Variants in DST observed in about 807,000 individuals in gnomAD.
DST encodes the protein bullous pemphigoid antigen.
A neutral mutation model predicts 875.2 loss-of-function variants in DST; 253 were observed. That is an observed-to-expected ratio of 0.29 (90% CI 0.26 to 0.32). The LOEUF is 0.32. Ranked by LOEUF, DST falls within the 10% of genes least tolerant of loss-of-function variation. The pLI is 1.00. For missense variants in DST, 8,287 were observed against 9,111.6 expected (o/e 0.91, Z 3.68); for synonymous variants, 3,124 against 3,197.1 (o/e 0.98, Z 0.77).
chr6:56,916,483 G>A (rs913181978), intron 2 of DST, among the ~76,000 whole-genome samples: 1 of 152,178 alleles, frequency 6.6e-6, no homozygotes, highest in Non-Finnish European at 1.5e-5. Context: ...TGGGTGCAGT[G>A]GTTCATGCCT....
intron 67 of DST, 104 bp from the exon 68 acceptor site, chr6:56,527,838 G>T (rs1303879690): frequency 4.2e-6 from 5 of 1,191,838 alleles, no homozygotes; most frequent in Admixed American, 3.1e-5. Context: ...CAGAACAAAA[G>T]GAGACATTTT....
Position 56,557,451 on chromosome 6 carries a change from A to C in DST, c.14508T>G (p.Asn4836Lys). ...CTACAGTCTGGAACTGGGTTAGATTATTGGAGGATTCTTCCAGTTTTTGTT... is the reference window on the plus strand; with the variant it reads ...CTACAGTCTGGAACTGGGTTAGATTCTTGGAGGATTCTTCCAGTTTTTGTT... Reference protein sequence around the residue: ...DRQQKLEESSNNLTQFQTVEA... With the variant: ...DRQQKLEESSKNLTQFQTVEA... Residue 4836 changes from asparagine (N) to lysine (K), a missense_variant, in exon 59 of 104, where the codon AAT becomes AAG. Around this residue, in one of 10 missense-constraint regions of DST, gnomAD observed 1,513 missense variants for 1,677.8 expected, o/e 0.90. Coordinates refer to ENST00000680361, the MANE Select transcript of DST (RefSeq NM_001374736.1). 1 of 1,613,704 alleles carries C rather than the reference A, an allele frequency of 6.2e-7. No homozygotes were observed.
In DST at chr6:56,608,767, TGTG is replaced by T; in HGVS notation, c.5858_5860del (p.Pro1953del). On this transcript the variant is annotated inframe_deletion, in exon 40 of 104. Coordinates refer to ENST00000680361, the MANE Select transcript of DST (RefSeq NM_001374736.1). ...TTTTAATGTTATTCTACCTCCTTCT[TGTG>T]GTCTCACAGGTAGAAGCCACATCCC... 1 of 1,609,594 alleles carries T rather than the reference TGTG, an allele frequency of 6.2e-7. No homozygotes were observed. Among genetic ancestry groups the T allele is most frequent in the African/African-American group, 1.3e-5 (1 of 75,000 alleles).
At position 56,934,560 on chromosome 6, in the gene DST, TTATATATATATA is replaced by T. The variant is rs60018139; in HGVS notation, c.216+19213_216+19224del. On this transcript the variant is annotated intron_variant, in intron 2 of 103. Transcript: ENST00000680361. Reference sequence around the variant, plus strand: ...TAAAATATACATATTATATATTATATTATATATATATATATATATATATATATATCGTGAGAG... The same window carrying T: ...TAAAATATACATATTATATATTATATTATATATATATATATATCGTGAGAG... Among the ~76,000 whole-genome samples, 14 of 106,486 alleles carry T rather than the reference TTATATATATATA, an allele frequency of 1.3e-4. 1 individual carries two copies. Among genetic ancestry groups the T allele is most frequent in the African/African-American group, 4.9e-4 (14 of 28,394 alleles). 69.9% of individuals were successfully genotyped at this position (106,486 alleles called of 152,430 possible). A position where few individuals can be genotyped will look rare whatever the true frequency, so the allele number is the denominator to read the frequency against.
chr6:56,925,297 T>A (rs1300042784), intron 2 of DST, among the ~76,000 whole-genome samples: 2 of 152,192 alleles, frequency 1.3e-5, no homozygotes, highest in Non-Finnish European at 2.9e-5. Context: ...AAAGCTTTCT[T>A]AGCATAATAA....
intron 4 of DST, among the ~76,000 whole-genome samples, chr6:56,770,524 C>A (rs2099651683): frequency 6.6e-6 from 1 of 152,138 alleles, no homozygotes; most frequent in Non-Finnish European, 1.5e-5. Flanking sequence ...TTCCATGCAT[C>A]CACATAGAGT....
intron 55 of DST, among the ~76,000 whole-genome samples, chr6:56,563,661 T>C (rs1220014025): frequency 6.6e-6 from 1 of 152,240 alleles, no homozygotes; most frequent in African/African-American, 2.4e-5. Context: ...CCCATGCCTA[T>C]GTCCTGAATG....
At chr6:56,504,266 A>G (rs542617270) in intron 77 of DST, among the ~76,000 whole-genome samples, 168 bp from the exon 78 acceptor site, 1 of 152,326 alleles carries the variant, frequency 6.6e-6, no homozygotes, top group African/African-American at 2.4e-5. Context: ...GCAGTAATAT[A>G]CCAAAATGGT....
intron 5 of DST, among the ~76,000 whole-genome samples, chr6:56,719,688 T>G (rs1292048120): frequency 6.6e-6 from 1 of 152,224 alleles, no homozygotes; most frequent in Non-Finnish European, 1.5e-5. Context: ...CTATTTTCCC[T>G]AAGCGTCAGC....
In DST at chr6:56,902,785, A is replaced by C. The variant is rs73459712; in HGVS notation, c.217-2164T>G. 9.1e-3 allele frequency among the ~76,000 whole-genome samples: 1,392 copies of C among 152,298 alleles called. 18 individuals are homozygous for C. Among genetic ancestry groups the C allele is most frequent in the African/African-American group, 0.032 (1,327 of 41,554 alleles). ...CAGCTGCTGGAGAAGAGGATTAAGG[A>C]GAAGAGGGAACTGGGCCAAATGCTG... On this transcript the variant is annotated intron_variant, in intron 2 of 103. Coordinates refer to ENST00000680361, the MANE Select transcript of DST (RefSeq NM_001374736.1).
At position 56,631,865 on chromosome 6, in the gene DST, C is replaced by T; in HGVS notation, c.3963+18G>A. 6.2e-7 allele frequency: 1 copy of T among 1,612,936 alleles called. No homozygotes were observed. Among genetic ancestry groups the T allele is most frequent in the East Asian group, 2.2e-5 (1 of 44,832 alleles). ...TTAAGAGAGTTAGTTTTTTTCCCAA[C>T]ATATTTATAGCTCTCACCTCCTGTT... On this transcript the variant is annotated intron_variant, in intron 29 of 103. Coordinates refer to ENST00000680361, the MANE Select transcript of DST (RefSeq NM_001374736.1).
intron 9 of DST, among the ~76,000 whole-genome samples, chr6:56,682,611 G>A (rs984305498): frequency 2.6e-5 from 4 of 152,280 alleles, no homozygotes; most frequent in South Asian, 2.1e-4. Flanking sequence ...AGAGGATTGC[G>A]GTTGAGAATC....
chr6:56,777,664 G>A (rs2099681798), intron 4 of DST, among the ~76,000 whole-genome samples: 1 of 151,908 alleles, frequency 6.6e-6, no homozygotes, highest in African/African-American at 2.4e-5. Flanking sequence ...TCTGTCATAT[G>A]AAGTGAATCA....
At chr6:56,833,947 C>T (rs955023594) in intron 4 of DST, among the ~76,000 whole-genome samples, 1 of 151,970 alleles carries the variant, frequency 6.6e-6, no homozygotes, top group African/African-American at 2.4e-5. Context: ...GGCAAAAGGG[C>T]CAGACATGAT....
At chr6:56,593,351 T>C (rs766516257) in intron 48 of DST, among the ~76,000 whole-genome samples, 8 of 151,470 alleles carry the variant, frequency 5.3e-5, no homozygotes, top group Non-Finnish European at 1.0e-4. Flanking sequence ...CCATCTCTAC[T>C]AAAAACAGAA....
At chr6:56,743,122 T>C (rs2099553485) in intron 4 of DST, among the ~76,000 whole-genome samples, 1 of 152,124 alleles carries the variant, frequency 6.6e-6, no homozygotes, top group Non-Finnish European at 1.5e-5. Context: ...CTTCTAAGTA[T>C]GAATAAATGA....
intron 2 of DST, among the ~76,000 whole-genome samples, chr6:56,947,745 C>A (rs1704369005): frequency 6.6e-6 from 1 of 152,204 alleles, no homozygotes; most frequent in Non-Finnish European, 1.5e-5. Flanking sequence ...CTGGTGTACA[C>A]CAAGCTCTGA....
chr6:56,561,629 C>G, intron 56 of DST, 80 bp from the exon 57 acceptor site: 1 of 1,416,464 alleles, frequency 7.1e-7, no homozygotes, highest in Non-Finnish European at 9.6e-7. Context: ...GTTTGTTTTA[C>G]ATGGTATTTT....
chr6:56,582,115 G>A (rs1273912834), intron 49 of DST, among the ~76,000 whole-genome samples: 1 of 152,114 alleles, frequency 6.6e-6, no homozygotes, highest in Non-Finnish European at 1.5e-5. Context: ...AATCCTAACT[G>A]TGTTAGATCC....
Sources: allele counts gnomAD v4.1 joint callset (sites outside exome capture counted in the v4.1 genomes callset), GRCh38; gene constraint gnomAD v4.1.1; regional missense constraint gnomAD v4.1.1; transcripts MANE v1.5; gene names NCBI Gene and HGNC (gene_info 2026-07-23, HGNC 2026-07-21).